GMCL1: variants seen among roughly 807,000 people sequenced by gnomAD.
GMCL1 encodes germ cell-less protein-like 1.
A neutral mutation model predicts 75.5 loss-of-function variants in GMCL1; 54 were observed. The ratio of observed to expected loss-of-function variants is 0.71; its 90% CI spans 0.57 to 0.90. The LOEUF (loss-of-function observed/expected upper bound fraction) is 0.90, where lower values mean the gene tolerates loss of function less well. GMCL1 is among the 40% of genes least tolerant of loss of function. The pLI, the probability that GMCL1 is intolerant of heterozygous loss-of-function variation, is 0.00. For missense variants in GMCL1, 537 were observed against 622.7 expected (o/e 0.86, Z 1.47); for synonymous variants, 210 against 209.6 (o/e 1.00, Z -0.02).
intron 9 of GMCL1, among the ~76,000 whole-genome samples, chr2:69,857,201 T>C (rs1675497203): frequency 6.6e-6 from 1 of 152,192 alleles, no homozygotes; most frequent in Non-Finnish European, 1.5e-5. Flanking sequence ...CTGTCTTTTC[T>C]TCCCTCTCAG....
chr2:69,878,947 C>T lies in GMCL1; in HGVS notation c.1491C>T (p.Ile497=), dbSNP rs1232844535. 1.1e-5 allele frequency: 18 copies of T among 1,610,442 alleles called. No individual in the cohort carries two copies. The highest frequency in any genetic ancestry group is 1.4e-5 in the Non-Finnish European group (16 of 1,176,832). The change falls in exon 14 of 14, where the codon ATC becomes ATT. Residue 497 remains isoleucine, a synonymous_variant. Transcript: ENST00000282570. ...VVMNLDSRLL[I]FPLYICCNFL... is the part of the protein sequence containing the mutation. ...TGAACTTGGACAGCAGGCTTCTGAT[C>T]TTCCCTTTATATATCTGCTGTAACT... is the stretch of plus-strand genomic sequence containing the variant.
At chr2:69,875,459 T>A (rs1676104607) in intron 13 of GMCL1, among the ~76,000 whole-genome samples, 1 of 152,224 alleles carries the variant, frequency 6.6e-6, no homozygotes. Flanking sequence ...GCATGATTAT[T>A]CTCCTGTATG....
intron 1 of GMCL1, among the ~76,000 whole-genome samples, chr2:69,831,913 CAT>C (rs2103938612): frequency 6.6e-6 from 1 of 152,276 alleles, no homozygotes; most frequent in East Asian, 1.9e-4. Context: ...CAACCTATAG[CAT>C]AGTTTTAAGA....
Position 69,830,162 on chromosome 2 carries a change from G to C in GMCL1, c.260+10G>C, listed in dbSNP as rs775913947. On this transcript the variant is annotated intron_variant, in intron 1 of 13. Coordinates refer to ENST00000282570, the MANE Select transcript of GMCL1 (RefSeq NM_178439.5). Reference sequence around the variant, plus strand: ...TCAACACCCCTCGAAGGTACGTGGGGGCACGCACCCGCGCGGACCCGGACC... The same window carrying C: ...TCAACACCCCTCGAAGGTACGTGGGCGCACGCACCCGCGCGGACCCGGACC... The C allele has an allele frequency of 4.2e-5, 65 of 1,554,212 alleles. No homozygotes were observed. Among genetic ancestry groups the C allele is most frequent in the Non-Finnish European group, 5.5e-5 (63 of 1,149,058 alleles).
chr2:69,862,725 C>T (rs191905823), intron 10 of GMCL1, among the ~76,000 whole-genome samples: 5 of 151,770 alleles, frequency 3.3e-5, no homozygotes, highest in Non-Finnish European at 5.9e-5. Flanking sequence ...CGCCATTGCA[C>T]TCCAGCCTGG....
At position 69,862,879 on chromosome 2, in the gene GMCL1, G is replaced by A. The variant is rs1177599832; in HGVS notation, c.1142+1532G>A. 2.0e-5 allele frequency among the ~76,000 whole-genome samples: 3 copies of A among 152,116 alleles called. No individual in the cohort carries two copies. In the East Asian group the frequency reaches 5.8e-4, roughly 29 times the overall value. On this transcript the variant is annotated intron_variant, in intron 10 of 13. Transcript: ENST00000282570. The stretch of plus-strand genomic sequence containing the variant: ...TGAAGTAACGATGAGCTATTTAATG[G>A]AATTCAGAACTGAAGCATTTTGTAG...
intron 2 of GMCL1, among the ~76,000 whole-genome samples, chr2:69,837,891 G>T (rs1237059428): frequency 6.6e-6 from 1 of 152,128 alleles, no homozygotes; most frequent in African/African-American, 2.4e-5. Flanking sequence ...CTAATACTAC[G>T]TATTTGTCAT....
chr2:69,852,976 T>A (rs1356844848), intron 8 of GMCL1, among the ~76,000 whole-genome samples: 1 of 152,240 alleles, frequency 6.6e-6, no homozygotes, highest in Non-Finnish European at 1.5e-5. Context: ...TGAATTTGGC[T>A]GATGGAATAA....
chr2:69,869,491 C>A, intron 11 of GMCL1: 2 of 361,762 alleles, frequency 5.5e-6, no homozygotes, highest in Non-Finnish European at 1.0e-5. Context: ...GGAAACTGAT[C>A]ATGAAGAGGA....
At chr2:69,843,693 G>A (rs1216516999) in intron 5 of GMCL1, among the ~76,000 whole-genome samples, 3 of 152,198 alleles carry the variant, frequency 2.0e-5, no homozygotes, top group Non-Finnish European at 4.4e-5. Context: ...TGGAGGCTGA[G>A]GTCAGAGGAT....
chr2:69,832,703 C>T (rs913246960), intron 1 of GMCL1, among the ~76,000 whole-genome samples: 1 of 152,198 alleles, frequency 6.6e-6, no homozygotes, highest in Non-Finnish European at 1.5e-5. Flanking sequence ...TCCAACAGGA[C>T]AATCTAACCT....
chr2:69,872,551 T>A (rs987277820), intron 13 of GMCL1, among the ~76,000 whole-genome samples: 1 of 152,228 alleles, frequency 6.6e-6, no homozygotes, highest in Non-Finnish European at 1.5e-5. Flanking sequence ...GAGACTATCA[T>A]AGAACATCCT....
chr2:69,830,116 G>A lies in GMCL1; in HGVS notation c.224G>A (p.Gly75Glu), dbSNP rs1425426805. Residue 75 changes from glycine (G) to glutamate (E), a missense_variant, in exon 1 of 14, where the codon GGG (glycine) becomes GAG (glutamate). Around this residue, in one of 3 missense-constraint regions of GMCL1, gnomAD observed 144 missense variants for 127.2 expected, o/e 1.13. Coordinates refer to ENST00000282570, the MANE Select transcript of GMCL1 (RefSeq NM_178439.5). Reference sequence around the variant, plus strand: ...GAGACGGACGAGGATGAGGAGGAGGGGGACGAGCAGCAGCGGCTCCTCAAC... The same window carrying A: ...GAGACGGACGAGGATGAGGAGGAGGAGGACGAGCAGCAGCGGCTCCTCAAC... ...DSETDEDEEE[G>E]DEQQRLLNTP... 6.3e-7 allele frequency: 1 copy of A among 1,578,062 alleles called. No individual in the cohort carries two copies.
At chr2:69,839,125 A>G (rs1674907712) in intron 2 of GMCL1, among the ~76,000 whole-genome samples, 2 of 148,262 alleles carry the variant, frequency 1.3e-5, no homozygotes, top group South Asian at 4.1e-4. Context: ...CTTTATAGCC[A>G]TTCAGGTGTA....
intron 2 of GMCL1, among the ~76,000 whole-genome samples, chr2:69,838,009 G>A (rs137980733): frequency 6.6e-6 from 1 of 152,024 alleles, no homozygotes; most frequent in Non-Finnish European, 1.5e-5. Context: ...TTTGCTTATG[G>A]TTATTTAAAT....
At chr2:69,837,753 C>A in intron 2 of GMCL1, 83 bp downstream of exon 2, 2 of 1,445,350 alleles carry the variant, frequency 1.4e-6, no homozygotes, top group Non-Finnish European at 1.9e-6. Flanking sequence ...TCACAGTAAT[C>A]TTTTGCATGA....
At chr2:69,839,674 G>A in intron 3 of GMCL1, 121 bp downstream of exon 3, 1 of 584,172 alleles carries the variant, frequency 1.7e-6, no homozygotes, top group Non-Finnish European at 3.1e-6. Context: ...ATCACCTCAA[G>A]GTGATAATTT....
At chr2:69,855,891 T>C (rs1345008273) in intron 9 of GMCL1, among the ~76,000 whole-genome samples, 3 of 152,192 alleles carry the variant, frequency 2.0e-5, no homozygotes, top group Non-Finnish European at 2.9e-5. Flanking sequence ...CTGTACTTCC[T>C]TTTAAGGCTT....
chr2:69,874,699 C>T (rs1308498865), intron 13 of GMCL1, among the ~76,000 whole-genome samples: 1 of 149,138 alleles, frequency 6.7e-6, no homozygotes, highest in Non-Finnish European at 1.5e-5. Flanking sequence ...TTTTTAACAG[C>T]TTTTATATAT....
Sources: allele counts gnomAD v4.1 joint callset (sites outside exome capture counted in the v4.1 genomes callset), GRCh38; gene constraint gnomAD v4.1.1; regional missense constraint gnomAD v4.1.1; transcripts MANE v1.5; gene names NCBI Gene and HGNC (gene_info 2026-07-23, HGNC 2026-07-21).